Variants in ANKS1B observed in about 807,000 individuals in gnomAD.
ANKS1B encodes the protein ankyrin repeat and sterile alpha motif domain-containing protein 1B.
Under a neutral mutation model 148.3 loss-of-function variants are expected in ANKS1B, and 36 were observed. The ratio of observed to expected loss-of-function variants is 0.24; its 90% CI spans 0.19 to 0.32. The LOEUF is 0.32. ANKS1B is among the 10% of genes least tolerant of loss of function. The probability of loss-of-function intolerance (pLI) is 1.00; values close to 1 mark genes in which losing one functional copy is unlikely to be tolerated. For missense variants in ANKS1B, 1,157 were observed against 1,542.6 expected, an observed-to-expected ratio of 0.75 and a Z score of 4.19; for synonymous variants, 542 against 560.8, an observed-to-expected ratio of 0.97 and a Z score of 0.47.
intron 15 of ANKS1B, among the ~76,000 whole-genome samples, chr12:99,113,036 A>T: frequency 6.6e-6 from 1 of 152,224 alleles, no homozygotes; most frequent in South Asian, 2.1e-4. Context: ...TCGAGTATGC[A>T]TTATATTATT....
intron 1 of ANKS1B, among the ~76,000 whole-genome samples, chr12:99,896,178 T>C: frequency 6.6e-6 from 1 of 151,102 alleles, no homozygotes; most frequent in East Asian, 1.9e-4. Context: ...AGTAAATCTC[T>C]GTGCTTACGT....
chr12:99,878,492 G>A (rs1281773676), intron 1 of ANKS1B, among the ~76,000 whole-genome samples: 1 of 152,138 alleles, frequency 6.6e-6, no homozygotes, highest in Non-Finnish European at 1.5e-5. Flanking sequence ...TTCTAAGTTT[G>A]AAACACATAT....
At position 99,613,176 on chromosome 12, in the gene ANKS1B, A is replaced by G. The variant is rs150293936; in HGVS notation, c.1272+41891T>C. On this transcript the variant is annotated intron_variant, in intron 9 of 26. Transcript: ENST00000683438. Reference sequence around the variant, plus strand: ...TTGAGTAAAGAAGGCATTTTCGACTATTATTCAAAAGTCAAAAAAATAACA... The same window carrying G: ...TTGAGTAAAGAAGGCATTTTCGACTGTTATTCAAAAGTCAAAAAAATAACA... Among the ~76,000 whole-genome samples the G allele has an allele frequency of 8.3e-3, 1,266 of 152,236 alleles. 23 individuals carry two copies. Among genetic ancestry groups the G allele is most frequent in the African/African-American group, 0.029 (1,208 of 41,558 alleles).
chr12:99,700,388 T>C (rs1319430500), intron 8 of ANKS1B, among the ~76,000 whole-genome samples: 5 of 152,136 alleles, frequency 3.3e-5, no homozygotes, highest in African/African-American at 4.8e-5. Flanking sequence ...CTGCCATCAA[T>C]AGGAACATGC....
chr12:98,978,725 A>G (rs2099902703), intron 17 of ANKS1B, among the ~76,000 whole-genome samples: 1 of 151,818 alleles, frequency 6.6e-6, no homozygotes, highest in African/African-American at 2.4e-5. Context: ...CTATTTCCCC[A>G]TTTTTCCTGC....
chr12:99,744,307 T>C (rs1459076760), intron 8 of ANKS1B, among the ~76,000 whole-genome samples: 2 of 152,212 alleles, frequency 1.3e-5, no homozygotes, highest in African/African-American at 2.4e-5. Flanking sequence ...CAATATACAC[T>C]AAATAGTATA....
At chr12:99,729,568 T>C (rs777540557) in intron 8 of ANKS1B, among the ~76,000 whole-genome samples, 5 of 152,210 alleles carry the variant, frequency 3.3e-5, no homozygotes, top group Non-Finnish European at 7.3e-5. Flanking sequence ...TATTTAATCA[T>C]AGTTTCCTTT....
chr12:99,511,855 G>T (rs1277154988), intron 9 of ANKS1B, among the ~76,000 whole-genome samples: 2 of 151,840 alleles, frequency 1.3e-5, no homozygotes, highest in Non-Finnish European at 2.9e-5. Context: ...GAACTGACTA[G>T]CCATATGCAG....
intron 16 of ANKS1B, among the ~76,000 whole-genome samples, chr12:99,060,523 G>A (rs1334166483): frequency 2.6e-5 from 4 of 152,066 alleles, no homozygotes; most frequent in Non-Finnish European, 5.9e-5. Context: ...GAATCTAGAA[G>A]ACTTTTGTAA....
intron 10 of ANKS1B, among the ~76,000 whole-genome samples, chr12:99,476,593 A>G (rs1359772881): frequency 6.6e-6 from 1 of 152,204 alleles, no homozygotes; most frequent in Non-Finnish European, 1.5e-5. Context: ...ATCAACAACT[A>G]TTTGAAAAGG....
intron 9 of ANKS1B, among the ~76,000 whole-genome samples, chr12:99,636,855 T>A (rs185671319): frequency 2.6e-5 from 4 of 152,340 alleles, no homozygotes; most frequent in Admixed American, 1.3e-4. Context: ...AATAAGAATT[T>A]AATGTTTTAA....
chr12:99,816,510 T>C (rs1365871734), intron 2 of ANKS1B, among the ~76,000 whole-genome samples: 1 of 151,768 alleles, frequency 6.6e-6, no homozygotes, highest in Admixed American at 6.6e-5. Context: ...ATTTTCGTTT[T>C]TGTTTAAATG....
chr12:99,441,820 A>C (rs958129077), intron 11 of ANKS1B, among the ~76,000 whole-genome samples: 3 of 151,946 alleles, frequency 2.0e-5, no homozygotes, highest in African/African-American at 7.2e-5. Flanking sequence ...AGATTTCTTC[A>C]AAGATAACCA....
At chr12:99,854,562 A>T (rs1471844529) in intron 1 of ANKS1B, among the ~76,000 whole-genome samples, 6 of 152,226 alleles carry the variant, frequency 3.9e-5, no homozygotes, top group Non-Finnish European at 8.8e-5. Flanking sequence ...TGGGAAATTC[A>T]TCGCAAAAAG....
In ANKS1B at chr12:99,566,229, C is replaced by T. The variant is rs547720778; in HGVS notation, c.1273-61588G>A. 6.6e-5 allele frequency among the ~76,000 whole-genome samples: 10 copies of T among 152,258 alleles called. No individual in the cohort carries two copies. In the South Asian group the frequency reaches 2.1e-3, roughly 32 times the overall value. On this transcript the variant is annotated intron_variant, in intron 9 of 26. Coordinates refer to ENST00000683438, the MANE Select transcript of ANKS1B (RefSeq NM_001352186.2). ...CTTCCTTCAACTTATCTCTCTTTTG[C>T]ATTCTATTACAAGCAGTAAGAGAAA...
chr12:99,458,000 T>A (rs2152842923), intron 10 of ANKS1B, among the ~76,000 whole-genome samples: 1 of 152,166 alleles, frequency 6.6e-6, no homozygotes, highest in East Asian at 1.9e-4. Flanking sequence ...CAGGGGACAT[T>A]CTCCAAGATA....
intron 9 of ANKS1B, among the ~76,000 whole-genome samples, chr12:99,614,775 T>C (rs1004340486): frequency 6.6e-6 from 1 of 152,106 alleles, no homozygotes; most frequent in Non-Finnish European, 1.5e-5. Flanking sequence ...ATTTCATCCA[T>C]TTCTCATTAT....
chr12:99,148,323 G>A (rs964915191), intron 15 of ANKS1B, among the ~76,000 whole-genome samples: 3 of 152,042 alleles, frequency 2.0e-5, no homozygotes, highest in Non-Finnish European at 4.4e-5. Flanking sequence ...TTAGAAAATG[G>A]GGCAGCATAT....
chr12:99,590,514 G>A (rs572121524), intron 9 of ANKS1B, among the ~76,000 whole-genome samples: 237 of 152,180 alleles, frequency 1.6e-3, no homozygotes, highest in African/African-American at 5.6e-3. Flanking sequence ...CTACCACAGC[G>A]TACAGGATCA....
Sources: allele counts gnomAD v4.1 joint callset (sites outside exome capture counted in the v4.1 genomes callset), GRCh38; gene constraint gnomAD v4.1.1; transcripts MANE v1.5; gene names NCBI Gene and HGNC (gene_info 2026-07-23, HGNC 2026-07-21).